The following ADGRB3 variants were observed in gnomAD, a reference collection of about 807,000 sequenced individuals.
ADGRB3 encodes the protein brain-specific angiogenesis inhibitor 3.
ADGRB3 carries 37 observed loss-of-function variants against 193.4 expected under a neutral mutation model. That is an observed-to-expected ratio of 0.19 (90% confidence interval 0.15 to 0.25). ADGRB3 has a LOEUF of 0.25. Among genes scored for constraint, ADGRB3 ranks in the 10% least tolerant of loss-of-function variants. The probability of loss-of-function intolerance (pLI) is 1.00; values close to 1 mark genes in which losing one functional copy is unlikely to be tolerated. For missense variants in ADGRB3, 1,637 were observed against 1,852.9 expected (o/e 0.88, Z 2.14); for synonymous variants, 690 against 644.2 (o/e 1.07, Z -1.08).
At chr6:68,843,542 A>T (rs968792439) in intron 3 of ADGRB3, among the ~76,000 whole-genome samples, 4 of 152,110 alleles carry the variant, frequency 2.6e-5, no homozygotes, top group Non-Finnish European at 4.4e-5. Context: ...AAATGGAAAG[A>T]TATTCCATGT....
chr6:68,752,653 T>C (rs1260446210), intron 3 of ADGRB3, among the ~76,000 whole-genome samples: 2 of 152,132 alleles, frequency 1.3e-5, no homozygotes, highest in Admixed American at 6.5e-5. Flanking sequence ...AAGACAAATG[T>C]TTGAAATGAG....
chr6:68,922,759 T>C (rs1767079705), intron 3 of ADGRB3, among the ~76,000 whole-genome samples: 1 of 152,188 alleles, frequency 6.6e-6, no homozygotes, highest in Non-Finnish European at 1.5e-5. Context: ...TATTTATTTT[T>C]CCACCCCTCC....
At chr6:69,113,270 C>A (rs1267744598) in intron 17 of ADGRB3, among the ~76,000 whole-genome samples, 1 of 151,816 alleles carries the variant, frequency 6.6e-6, no homozygotes, top group Admixed American at 6.6e-5. Context: ...ACATATGTAT[C>A]ACACATATTT....
intron 3 of ADGRB3, among the ~76,000 whole-genome samples, chr6:68,693,344 G>A (rs1168114938): frequency 1.3e-5 from 2 of 151,840 alleles, no homozygotes; most frequent in Admixed American, 6.6e-5. Context: ...GAAAATGGTA[G>A]CTACTAGTGT....
intron 17 of ADGRB3, among the ~76,000 whole-genome samples, chr6:69,156,904 C>T (rs1242142180): frequency 6.6e-6 from 1 of 152,186 alleles, no homozygotes; most frequent in Admixed American, 6.5e-5. Flanking sequence ...ACAACTTGAT[C>T]AAGCTGATTC....
chr6:68,668,145 C>G (rs1389919207), intron 3 of ADGRB3, among the ~76,000 whole-genome samples: 1 of 152,016 alleles, frequency 6.6e-6, no homozygotes, highest in African/African-American at 2.4e-5. Flanking sequence ...ACTGTAGCAG[C>G]TGCTAGAGCC....
chr6:68,739,024 C>G (rs1221990033), intron 3 of ADGRB3, among the ~76,000 whole-genome samples: 10 of 152,108 alleles, frequency 6.6e-5, no homozygotes, highest in Non-Finnish European at 1.5e-4. Flanking sequence ...CCTTATATGT[C>G]AAGTAAAAGG....
intron 29 of ADGRB3, among the ~76,000 whole-genome samples, chr6:69,363,038 T>C (rs1208986297): frequency 6.6e-6 from 1 of 152,050 alleles, no homozygotes; most frequent in Admixed American, 6.6e-5. Context: ...ATTTTGGTTG[T>C]TACAAAAATG....
At chr6:68,722,963 A>G (rs1163434142) in intron 3 of ADGRB3, among the ~76,000 whole-genome samples, 1 of 151,738 alleles carries the variant, frequency 6.6e-6, no homozygotes. Flanking sequence ...CCACAAAGTC[A>G]TGGTACACTC....
intron 16 of ADGRB3, among the ~76,000 whole-genome samples, chr6:69,067,767 T>C (rs561165061): frequency 6.6e-6 from 1 of 152,288 alleles, no homozygotes; most frequent in East Asian, 1.9e-4. Context: ...TTCCAACAAC[T>C]GAAATTGAGA....
chr6:68,669,314 A>G (rs949734248), intron 3 of ADGRB3, among the ~76,000 whole-genome samples: 3 of 151,790 alleles, frequency 2.0e-5, no homozygotes, highest in African/African-American at 7.3e-5. Context: ...ATAGCACAAC[A>G]TCTGTTCTAT....
At chr6:69,295,322 G>A (rs1767789131) in intron 20 of ADGRB3, among the ~76,000 whole-genome samples, 2 of 152,166 alleles carry the variant, frequency 1.3e-5, no homozygotes, top group Admixed American at 1.3e-4. Context: ...ACCGATTCAA[G>A]CCTTAGGCTA....
chr6:68,725,556 A>G (rs1765658107), intron 3 of ADGRB3, among the ~76,000 whole-genome samples: 1 of 151,690 alleles, frequency 6.6e-6, no homozygotes, highest in Non-Finnish European at 1.5e-5. Flanking sequence ...TGAGGAAAAC[A>G]AGAACTTGAG....
chr6:69,267,103 T>A (rs1767062163), intron 20 of ADGRB3, among the ~76,000 whole-genome samples: 1 of 152,124 alleles, frequency 6.6e-6, no homozygotes, highest in Non-Finnish European at 1.5e-5. Context: ...ATTTGTCTAT[T>A]TGTCAGGGCG....
chr6:69,044,474 G>T (rs1023666397), intron 13 of ADGRB3, among the ~76,000 whole-genome samples: 11 of 152,154 alleles, frequency 7.2e-5, no homozygotes, highest in African/African-American at 2.7e-4. Flanking sequence ...ATGTATCAAA[G>T]AAGTGCTCAT....
chr6:69,339,113 C>A, intron 25 of ADGRB3, 99 bp downstream of exon 25: 1 of 1,289,078 alleles, frequency 7.8e-7, no homozygotes, highest in South Asian at 1.3e-5. Context: ...AATACAAGAC[C>A]AGAGAGTATA....
intron 20 of ADGRB3, among the ~76,000 whole-genome samples, chr6:69,304,653 T>C (rs1004971657): frequency 4.6e-5 from 7 of 151,670 alleles, no homozygotes; most frequent in African/African-American, 7.3e-5. Flanking sequence ...GCTCTGTTTT[T>C]GCCATATTGT....
intron 3 of ADGRB3, among the ~76,000 whole-genome samples, chr6:68,811,005 ATTAT>A (rs1303970377): frequency 6.6e-6 from 1 of 152,150 alleles, no homozygotes; most frequent in Non-Finnish European, 1.5e-5. Context: ...ATGCTTTTTG[ATTAT>A]TTAACATAAA....
At chr6:68,846,411 C>G (rs1299911425) in intron 3 of ADGRB3, among the ~76,000 whole-genome samples, 2 of 152,218 alleles carry the variant, frequency 1.3e-5, no homozygotes, top group Non-Finnish European at 2.9e-5. Flanking sequence ...ATGTTCAGGC[C>G]ATGTCAGAGA....
Sources: allele counts gnomAD v4.1 joint callset (sites outside exome capture counted in the v4.1 genomes callset), GRCh38; gene constraint gnomAD v4.1.1; transcripts MANE v1.5; gene names NCBI Gene and HGNC (gene_info 2026-07-23, HGNC 2026-07-21).